Variants in ABCA12 observed in about 807,000 individuals in gnomAD.
ABCA12 encodes the protein glucosylceramide transporter ABCA12.
In ABCA12, 156 loss-of-function variants were observed where a neutral mutation model predicts 293.5. The observed-to-expected ratio is 0.53, with a 90% CI of 0.47 to 0.61. The LOEUF (loss-of-function observed/expected upper bound fraction) is 0.61, where lower values mean the gene tolerates loss of function less well. ABCA12 is among the 20% of genes least tolerant of loss of function. ABCA12 has a pLI of 0.00. For missense variants in ABCA12, 2,797 were observed against 3,090.2 expected (o/e 0.91, Z 2.25); for synonymous variants, 1,063 against 1,108.0 (o/e 0.96, Z 0.81).
At chr2:215,101,062 A>G (rs932373930) in intron 2 of ABCA12, among the ~76,000 whole-genome samples, 2 of 152,204 alleles carry the variant, frequency 1.3e-5, no homozygotes, top group African/African-American at 4.8e-5. Context: ...TGTCTTCAAT[A>G]TAAGACATGA....
intron 3 of ABCA12, among the ~76,000 whole-genome samples, chr2:215,059,866 A>G (rs895983332): frequency 3.3e-5 from 5 of 152,024 alleles, no homozygotes; most frequent in African/African-American, 7.2e-5. Flanking sequence ...CTGTACGCCA[A>G]CTATGCAACT....
At position 215,049,831 on chromosome 2, in the gene ABCA12, G is replaced by C; in HGVS notation, c.508-20C>G. Reference sequence around the variant, plus strand: ...TAACAGCTAAAAGCATGTGTGAAAAGAGTAAAATAAGAGTGTTAATAAATG... The same window carrying C: ...TAACAGCTAAAAGCATGTGTGAAAACAGTAAAATAAGAGTGTTAATAAATG... On this transcript the variant is annotated intron_variant, in intron 5 of 52. Coordinates refer to ENST00000272895, the MANE Select transcript of ABCA12 (RefSeq NM_173076.3). The C allele has an allele frequency of 6.3e-7, 1 of 1,595,972 alleles. No individual in the cohort carries two copies. The highest frequency in any genetic ancestry group is 8.6e-7 in the Non-Finnish European group (1 of 1,166,244).
At chr2:214,989,502 A>G (rs1276993634) in intron 25 of ABCA12, 39 bp from the exon 26 acceptor site, 81 of 1,613,824 alleles carry the variant, frequency 5.0e-5, no homozygotes, top group Non-Finnish European at 6.8e-5. Context: ...TCTGTGACAC[A>G]CAGCACAGTT....
intron 2 of ABCA12, among the ~76,000 whole-genome samples, chr2:215,069,186 C>CT (rs200559452): frequency 1.4e-4 from 12 of 86,956 alleles, no homozygotes; most frequent in Non-Finnish European, 2.4e-4. Context: ...AAAATTCTGA[C>CT]TTTTAAAAAA....
intron 2 of ABCA12, among the ~76,000 whole-genome samples, chr2:215,092,298 T>G (rs1395684402): frequency 6.6e-6 from 1 of 152,072 alleles, no homozygotes; most frequent in Non-Finnish European, 1.5e-5. Context: ...TGGACAATAT[T>G]CTCTTATGCA....
Position 215,077,875 on chromosome 2 carries a change from T to C in ABCA12, c.164-13656A>G, listed in dbSNP as rs140144777. ...TCTATTATTAAATTATACCTCAAAT[T>C]ACTTAATGCAACAGTTGTTCATAGC... is the stretch of plus-strand genomic sequence containing the variant. On this transcript the variant is annotated intron_variant, in intron 2 of 52. Coordinates refer to ENST00000272895, the MANE Select transcript of ABCA12 (RefSeq NM_173076.3). Among the ~76,000 whole-genome samples, 280 of 152,260 alleles carry C rather than the reference T, an allele frequency of 1.8e-3. 1 individual carries two copies. The highest frequency in any genetic ancestry group is 6.2e-3 in the African/African-American group (259 of 41,558).
rs114582868 is a variant in ABCA12, at chr2:215,063,048, T to A, written c.317+1018A>T. Among the ~76,000 whole-genome samples, 528 of 152,086 alleles carry A rather than the reference T, an allele frequency of 3.5e-3. 4 individuals carry two copies. Among genetic ancestry groups the A allele is most frequent in the African/African-American group, 0.012 (492 of 41,520 alleles). On this transcript the variant is annotated intron_variant, in intron 3 of 52. Transcript: ENST00000272895. ...AGATTAATAAATGAATGAATGAACA[T>A]CAGATTCTTTTAAGCATCAAGCCTA...
chr2:214,987,813 G>C lies in ABCA12; in HGVS notation c.3830-20C>G. The C allele has an allele frequency of 6.2e-7, 1 of 1,611,572 alleles. No homozygotes were observed. On this transcript the variant is annotated intron_variant, in intron 26 of 52. Transcript: ENST00000272895. The stretch of plus-strand genomic sequence containing the variant: ...ATGTCCCTGGAATAAAAATATATCA[G>C]GAACAGTGAGTTTTAGTTGACTGTT...
At chr2:214,989,210 A>ATATATATATATATATATATATATATG (rs60341150) in intron 26 of ABCA12, 119 bp downstream of exon 26, 1 of 148,418 alleles carries the variant, frequency 6.7e-6, no homozygotes, top group Non-Finnish European at 1.4e-5. Context: ...ATATATATAT[A>ATATATATATATATATATATATATATG]ATATTTTTAT....
chr2:215,056,686 A>AGAGTATGTG (rs1701427081), intron 3 of ABCA12, among the ~76,000 whole-genome samples: 1 of 152,134 alleles, frequency 6.6e-6, no homozygotes, highest in Non-Finnish European at 1.5e-5. Flanking sequence ...AATGGAAATC[A>AGAGTATGTG]CAAAATAAAT....
intron 2 of ABCA12, among the ~76,000 whole-genome samples, chr2:215,102,386 G>T (rs1214109125): frequency 6.6e-6 from 1 of 152,132 alleles, no homozygotes; most frequent in African/African-American, 2.4e-5. Flanking sequence ...ATCACTTGAG[G>T]TCAGGAGTTC....
intron 7 of ABCA12, among the ~76,000 whole-genome samples, chr2:215,041,122 G>T (rs997356952): frequency 6.6e-6 from 1 of 152,284 alleles, no homozygotes; most frequent in African/African-American, 2.4e-5. Context: ...TAAATAGCTT[G>T]ATTTAGCCAT....
intron 22 of ABCA12, among the ~76,000 whole-genome samples, chr2:214,998,945 A>C (rs966558923): frequency 2.6e-5 from 4 of 152,156 alleles, no homozygotes; most frequent in African/African-American, 9.7e-5. Context: ...TTCCTTTTTT[A>C]ATCTACAAGA....
intron 3 of ABCA12, among the ~76,000 whole-genome samples, chr2:215,063,554 C>G (rs577348866): frequency 6.6e-6 from 1 of 151,960 alleles, no homozygotes; most frequent in South Asian, 2.1e-4. Flanking sequence ...CATGCATTAA[C>G]CTCATTTAAA....
chr2:215,018,037 C>T lies in ABCA12; in HGVS notation c.1753G>A (p.Ala585Thr), dbSNP rs1700544834. ...GCTCTATTATCAGGGATGGGAATGG[C>T]CAGCAACTTGTCAATAGTCCTGTTG... ...MSNRTIDKLL[A>T]IPIPDNRAEI... The change falls in exon 14 of 53, where the codon GCC becomes ACC. Residue 585 changes from alanine (A) to threonine (T), a missense_variant. Ala to Thr is a moderately conservative substitution (Grantham distance 58). Coordinates refer to ENST00000272895, the MANE Select transcript of ABCA12 (RefSeq NM_173076.3). The T allele has an allele frequency of 1.2e-6, 2 of 1,614,014 alleles. No homozygotes were observed. Among genetic ancestry groups the T allele is most frequent in the African/African-American group, 1.3e-5 (1 of 74,926 alleles).
chr2:214,999,225 T>C (rs1332458567), intron 22 of ABCA12, among the ~76,000 whole-genome samples: 1 of 152,200 alleles, frequency 6.6e-6, no homozygotes, highest in Non-Finnish European at 1.5e-5. Context: ...AAGTGATTTC[T>C]GGATCTAGAA....
At chr2:215,057,237 C>CAAA (rs1701437529) in intron 3 of ABCA12, among the ~76,000 whole-genome samples, 1 of 152,006 alleles carries the variant, frequency 6.6e-6, no homozygotes, top group South Asian at 2.1e-4. Context: ...AGCAAATTAG[C>CAAA]AATAATAACA....
At chr2:214,936,644 A>C (rs576599043) in intron 51 of ABCA12, among the ~76,000 whole-genome samples, 41 of 152,346 alleles carry the variant, frequency 2.7e-4, no homozygotes, top group Admixed American at 1.9e-3. Flanking sequence ...TGTCCATCCC[A>C]TGCCTATGCA....
intron 34 of ABCA12, 94 bp downstream of exon 34, chr2:214,975,691 T>A: frequency 6.5e-7 from 1 of 1,542,474 alleles, no homozygotes; most frequent in Non-Finnish European, 9.0e-7. Flanking sequence ...TTCTAAGTAC[T>A]TTATTCTCCA....
Sources: allele counts gnomAD v4.1 joint callset (sites outside exome capture counted in the v4.1 genomes callset), GRCh38; gene constraint gnomAD v4.1.1; transcripts MANE v1.5; gene names NCBI Gene and HGNC (gene_info 2026-07-23, HGNC 2026-07-21).